Variants in CSMD3 observed in about 807,000 individuals in gnomAD.
CSMD3 encodes CUB and Sushi multiple domains 3.
Under a neutral mutation model 435.2 loss-of-function variants are expected in CSMD3, and 177 were observed. The ratio of observed to expected loss-of-function variants is 0.41; its 90% CI spans 0.36 to 0.46. The LOEUF (loss-of-function observed/expected upper bound fraction) is 0.46, where lower values mean the gene tolerates loss of function less well. CSMD3 is among the 20% of genes least tolerant of loss of function. The pLI, the probability that CSMD3 is intolerant of heterozygous loss-of-function variation, is 0.34. For synonymous variants in CSMD3, 1,656 were observed against 1,520.5 expected (o/e 1.09, Z -2.07); for missense variants, 4,265 against 4,504.6 (o/e 0.95, Z 1.52).
chr8:112,668,430 T>C (rs976738367), intron 16 of CSMD3, among the ~76,000 whole-genome samples: 1 of 152,078 alleles, frequency 6.6e-6, no homozygotes, highest in Admixed American at 6.6e-5. Context: ...CTAATCATCA[T>C]TAGACGAGGT....
chr8:113,143,211 C>CA (rs1439253356), intron 4 of CSMD3, among the ~76,000 whole-genome samples: 1 of 151,084 alleles, frequency 6.6e-6, no homozygotes, highest in African/African-American at 2.4e-5. Context: ...AATAAACACA[C>CA]AAAAAGGTGT....
At chr8:113,242,416 T>C (rs1015047241) in intron 3 of CSMD3, among the ~76,000 whole-genome samples, 1 of 151,986 alleles carries the variant, frequency 6.6e-6, no homozygotes, top group Admixed American at 6.6e-5. Context: ...GTGACTTAAA[T>C]GATAACACAC....
chr8:112,370,268 T>C (rs989438599), intron 38 of CSMD3, among the ~76,000 whole-genome samples: 2 of 152,182 alleles, frequency 1.3e-5, no homozygotes, highest in Middle Eastern at 3.2e-3. Flanking sequence ...TTGTGTCTTA[T>C]TGGAAATAAA....
At chr8:112,326,118 T>C (rs1823490113) in intron 45 of CSMD3, among the ~76,000 whole-genome samples, 1 of 152,200 alleles carries the variant, frequency 6.6e-6, no homozygotes, top group Non-Finnish European at 1.5e-5. Flanking sequence ...GGCAATTATT[T>C]ACAGAATTAT....
chr8:112,372,399 T>C (rs1563855612), intron 38 of CSMD3, among the ~76,000 whole-genome samples: 1 of 152,094 alleles, frequency 6.6e-6, no homozygotes, highest in Non-Finnish European at 1.5e-5. Context: ...TCTGGAAATA[T>C]TAATAAGACC....
chr8:112,606,990 A>G (rs969074044), intron 22 of CSMD3, among the ~76,000 whole-genome samples: 1 of 150,250 alleles, frequency 6.7e-6, no homozygotes, highest in African/African-American at 2.4e-5. Context: ...AAAAAAAAAA[A>G]AAAAGCTAAG....
At chr8:113,424,120 A>G (rs773226291) in intron 1 of CSMD3, among the ~76,000 whole-genome samples, 2 of 151,748 alleles carry the variant, frequency 1.3e-5, no homozygotes, top group African/African-American at 4.8e-5. Flanking sequence ...TGTTGGTACA[A>G]ATATCAGAAT....
chr8:112,332,586 G>C (rs1358988429), intron 45 of CSMD3, among the ~76,000 whole-genome samples: 1 of 152,148 alleles, frequency 6.6e-6, no homozygotes, highest in African/African-American at 2.4e-5. Flanking sequence ...TATTAGGCTA[G>C]AGAAATTTAA....
At chr8:112,372,970 A>ATAT (rs1563856485) in intron 38 of CSMD3, among the ~76,000 whole-genome samples, 2 of 144,872 alleles carry the variant, frequency 1.4e-5, no homozygotes, top group African/African-American at 2.5e-5. Flanking sequence ...CAGCAGAAAA[A>ATAT]ATATATATAT....
intron 1 of CSMD3, among the ~76,000 whole-genome samples, chr8:113,397,126 T>C (rs971289786): frequency 3.3e-5 from 5 of 152,206 alleles, no homozygotes; most frequent in African/African-American, 1.2e-4. Flanking sequence ...ATTTATACCC[T>C]TGTCAATTTG....
intron 5 of CSMD3, among the ~76,000 whole-genome samples, chr8:113,059,293 A>T (rs573898246): frequency 2.0e-5 from 3 of 152,160 alleles, no homozygotes; most frequent in Non-Finnish European, 2.9e-5. Context: ...TGAGACACTA[A>T]TCTAGCACCT....
chr8:112,403,398 T>C (rs563940211), intron 35 of CSMD3, among the ~76,000 whole-genome samples: 1 of 152,306 alleles, frequency 6.6e-6, no homozygotes, highest in South Asian at 2.1e-4. Flanking sequence ...AATATGTATT[T>C]AAATTACTTA....
At chr8:113,086,765 T>C (rs2089797869) in intron 5 of CSMD3, among the ~76,000 whole-genome samples, 1 of 152,194 alleles carries the variant, frequency 6.6e-6, no homozygotes, top group Non-Finnish European at 1.5e-5. Context: ...TGAGTTATAT[T>C]CTAATCCTCT....
chr8:112,693,247 G>T (rs943732859), intron 13 of CSMD3, among the ~76,000 whole-genome samples: 4 of 152,092 alleles, frequency 2.6e-5, no homozygotes, highest in South Asian at 2.1e-4. Flanking sequence ...AAAAGGAAAA[G>T]ATTAAACAGG....
At chr8:113,301,053 G>GGGATGTTCATGTATGATTCAT (rs2093762314) in intron 2 of CSMD3, among the ~76,000 whole-genome samples, 1 of 151,412 alleles carries the variant, frequency 6.6e-6, no homozygotes, top group African/African-American at 2.4e-5. Flanking sequence ...ATGTTGCTTA[G>GGGATGTTCATGTATGATTCAT]GGATGTTCAT....
chr8:113,229,500 AT>A (rs1223367601), intron 3 of CSMD3, among the ~76,000 whole-genome samples: 4 of 151,456 alleles, frequency 2.6e-5, no homozygotes, highest in African/African-American at 9.7e-5. Flanking sequence ...AAAAAAAAAA[AT>A]TATATTCAGT....
chr8:112,475,907 A>G (rs539126267), intron 31 of CSMD3, among the ~76,000 whole-genome samples: 55 of 152,156 alleles, frequency 3.6e-4, no homozygotes, highest in Non-Finnish European at 7.2e-4. Context: ...TGCCACATAT[A>G]CCTGTGGACC....
chr8:112,366,939 T>C (rs904428961), intron 38 of CSMD3, among the ~76,000 whole-genome samples: 4 of 152,174 alleles, frequency 2.6e-5, no homozygotes, highest in African/African-American at 9.6e-5. Context: ...TTTTTAAATT[T>C]ATATTTTAAT....
At chr8:112,640,830 T>C (rs1342221357) in intron 20 of CSMD3, among the ~76,000 whole-genome samples, 1 of 152,070 alleles carries the variant, frequency 6.6e-6, no homozygotes, top group Non-Finnish European at 1.5e-5. Context: ...ATTTCTGCTA[T>C]AAAGCTAAGA....
Sources: gnomAD v4.1 joint callset for allele counts (sites outside exome capture counted in the v4.1 genomes callset) on GRCh38, gnomAD v4.1.1 for gene constraint, MANE v1.5 for transcripts, NCBI Gene and HGNC (gene_info 2026-07-23, HGNC 2026-07-21) for gene names.